The following CDH4 variants were observed in gnomAD, a reference collection of about 807,000 sequenced individuals.
The protein encoded by CDH4 is cadherin-4.
A neutral mutation model predicts 86.0 loss-of-function variants in CDH4; 33 were observed. The ratio of observed to expected loss-of-function variants is 0.38; its 90% CI spans 0.29 to 0.51. The LOEUF is 0.51. Among genes scored for constraint, CDH4 ranks in the 20% least tolerant of loss-of-function variants. CDH4 has a pLI of 0.86. For synonymous variants in CDH4, 555 were observed against 549.4 expected (o/e 1.01, Z -0.14); for missense variants, 1,114 against 1,307.4 (o/e 0.85, Z 2.28).
At chr20:61,366,417 G>A (rs1329074457) in intron 2 of CDH4, among the ~76,000 whole-genome samples, 4 of 152,230 alleles carry the variant, frequency 2.6e-5, no homozygotes, top group Non-Finnish European at 5.9e-5. Flanking sequence ...AGCGGTGCTA[G>A]AGGAATTAAA....
chr20:61,520,965 G>A lies in CDH4; in HGVS notation c.170-222598G>A, dbSNP rs985732693. Among the ~76,000 whole-genome samples, 3 of 152,182 alleles carry A rather than the reference G, an allele frequency of 2.0e-5. No homozygotes were observed. In the South Asian group the frequency reaches 6.2e-4, roughly 32 times the overall value. ...GGGTGCAGCTCCAGGGGCCTTGAAG[G>A]GCGAGTAGAATTGAGGTTGTGGTGG... On this transcript the variant is annotated intron_variant, in intron 2 of 15. Transcript: ENST00000614565.
chr20:61,493,825 T>A (rs2085641043), intron 2 of CDH4, among the ~76,000 whole-genome samples: 2 of 152,190 alleles, frequency 1.3e-5, no homozygotes. Flanking sequence ...AGACCCAGTG[T>A]GGATTCCGCT....
At chr20:61,886,749 G>T (rs1984559611) in intron 7 of CDH4, among the ~76,000 whole-genome samples, 1 of 152,232 alleles carries the variant, frequency 6.6e-6, no homozygotes. Context: ...CCTCAGGGAA[G>T]TCCCAGGCCT....
chr20:61,334,503 C>CG (rs879291394), intron 2 of CDH4, among the ~76,000 whole-genome samples: 1 of 152,110 alleles, frequency 6.6e-6, no homozygotes, highest in Admixed American at 6.5e-5. Flanking sequence ...CTCTGGAGGC[C>CG]GGGGGGGCTG....
rs114698550 is a variant in CDH4 at position 61,916,846 on chromosome 20, A to C, written c.1374+6239A>C. On this transcript the variant is annotated intron_variant, in intron 9 of 15. Transcript: ENST00000614565. ...CAGCAGTGTGCTCTTTCCTTCTCTAAACCGACTTAGCTTCTGTTTCTAGCT... is the reference window on the plus strand; with the variant it reads ...CAGCAGTGTGCTCTTTCCTTCTCTACACCGACTTAGCTTCTGTTTCTAGCT... 2.2e-3 allele frequency among the ~76,000 whole-genome samples: 332 copies of C among 152,270 alleles called. 1 individual carries two copies. The highest frequency in any genetic ancestry group is 6.6e-3 in the African/African-American group (273 of 41,548).
At chr20:61,627,599 A>T (rs1375542750) in intron 2 of CDH4, among the ~76,000 whole-genome samples, 1 of 152,108 alleles carries the variant, frequency 6.6e-6, no homozygotes, top group Non-Finnish European at 1.5e-5. Flanking sequence ...TTTTGTTTTT[A>T]TAAATGGGGA....
chr20:61,856,155 T>A (rs1050900841), intron 6 of CDH4, among the ~76,000 whole-genome samples: 1 of 152,154 alleles, frequency 6.6e-6, no homozygotes, highest in East Asian at 1.9e-4. Flanking sequence ...AGTGCCTTTG[T>A]GGGATAAGGA....
intron 2 of CDH4, 74 bp from the exon 3 acceptor site, chr20:61,743,489 T>C: frequency 8.7e-7 from 1 of 1,145,262 alleles, no homozygotes; most frequent in Non-Finnish European, 1.3e-6. Context: ...TAGGGCGTCC[T>C]GCGTGGTTGC....
chr20:61,544,093 C>T lies in CDH4; in HGVS notation c.170-199470C>T, dbSNP rs183376782. On this transcript the variant is annotated intron_variant, in intron 2 of 15. Coordinates refer to ENST00000614565, the MANE Select transcript of CDH4 (RefSeq NM_001794.5). This position sits in a 1 kb window ranked among gnomAD's most constrained non-coding sequence, Gnocchi z 6.5. ...TAAGGTCCTTGGAGGCTGCCCCACGCCCCCTGGCCCCACACCTGCCTCTTG... is the reference window on the plus strand; with the variant it reads ...TAAGGTCCTTGGAGGCTGCCCCACGTCCCCTGGCCCCACACCTGCCTCTTG... Among the ~76,000 whole-genome samples the T allele has an allele frequency of 1.3e-5, 2 of 152,302 alleles. No individual in the cohort carries two copies. Among genetic ancestry groups the T allele is most frequent in the African/African-American group, 2.4e-5 (1 of 41,574 alleles).
chr20:61,544,974 G>C lies in CDH4; in HGVS notation c.170-198589G>C, dbSNP rs1187192584. Among the ~76,000 whole-genome samples the C allele has an allele frequency of 2.6e-5, 4 of 152,182 alleles. No individual in the cohort carries two copies. Among genetic ancestry groups the C allele is most frequent in the Non-Finnish European group, 4.4e-5 (3 of 68,034 alleles). ...TAGACAAGTAGGGTGACTAGCAAATGACCCTTGAGCAGCCCTACTGGGGCC... is the reference window on the plus strand; with the variant it reads ...TAGACAAGTAGGGTGACTAGCAAATCACCCTTGAGCAGCCCTACTGGGGCC... On this transcript the variant is annotated intron_variant, in intron 2 of 15. Coordinates refer to ENST00000614565, the MANE Select transcript of CDH4 (RefSeq NM_001794.5). This position sits in a 1 kb window ranked among gnomAD's most constrained non-coding sequence, Gnocchi z 6.5.
chr20:61,782,684 T>A lies in CDH4; in HGVS notation c.576+9502T>A, dbSNP rs150047758. On this transcript the variant is annotated intron_variant, in intron 4 of 15. Transcript: ENST00000614565. ...ACGGGGTAAATGGAGCAAGGCTGTT[T>A]TGAGGTTCTGACGTTGCTGGTTAAG... Among the ~76,000 whole-genome samples, 733 of 152,328 alleles carry A rather than the reference T, an allele frequency of 4.8e-3. 6 individuals are homozygous for A. The highest frequency in any genetic ancestry group is 0.017 in the African/African-American group (699 of 41,566).
rs553219142 is a variant in CDH4, at chr20:61,669,276, G to A, written c.170-74287G>A. 2.6e-5 allele frequency among the ~76,000 whole-genome samples: 4 copies of A among 152,334 alleles called. No individual in the cohort carries two copies. In the East Asian group the frequency reaches 5.8e-4, roughly 22 times the overall value. ...CAGTCCCGTGGAGGATGCAGCACCG[G>A]CACCCCACACAGCGAGCACCACAAG... On this transcript the variant is annotated intron_variant, in intron 2 of 15. Transcript: ENST00000614565.
chr20:61,617,373 G>A (rs556721832), intron 2 of CDH4, among the ~76,000 whole-genome samples: 109 of 152,214 alleles, frequency 7.2e-4, no homozygotes, highest in Non-Finnish European at 9.6e-4. Flanking sequence ...AGACTCCCGA[G>A]GTCCCTGCGT....
In CDH4 at chr20:61,614,590, G is replaced by A. The variant is rs146401898; in HGVS notation, c.170-128973G>A. ...CCTTATCTGTGGAGTCTGCGCTGAC[G>A]TGGGCAATTAGTGTCAGAATTGAAT... On this transcript the variant is annotated intron_variant, in intron 2 of 15. Coordinates refer to ENST00000614565, the MANE Select transcript of CDH4 (RefSeq NM_001794.5). Among the ~76,000 whole-genome samples, 8 of 152,256 alleles carry A rather than the reference G, an allele frequency of 5.3e-5. No homozygotes were observed. The East Asian group carries it at 7.7e-4, about 15-fold the overall frequency.
Position 61,605,497 on chromosome 20 carries a change from CCA to C in CDH4, c.170-138065_170-138064del, listed in dbSNP as rs1450510245. Among the ~76,000 whole-genome samples, 48 of 151,812 alleles carry C rather than the reference CCA, an allele frequency of 3.2e-4. 1 individual carries two copies. Among genetic ancestry groups the C allele is most frequent in the African/African-American group, 1.1e-3 (46 of 41,384 alleles). ...TTTGTCTCTCCCTGTCTCTCTCCCC[CCA>C]TGTCTCTCCCTTTCTGTCTCTCCCT... On this transcript the variant is annotated intron_variant, in intron 2 of 15. Transcript: ENST00000614565.
chr20:61,556,545 T>C (rs967235096), intron 2 of CDH4, among the ~76,000 whole-genome samples: 3 of 152,170 alleles, frequency 2.0e-5, no homozygotes, highest in Admixed American at 6.5e-5. Flanking sequence ...TGTGCCACAA[T>C]TGAGAACAAA....
In CDH4 at chr20:61,501,967, C is replaced by T. The variant is rs573000390; in HGVS notation, c.170-241596C>T. 3.9e-5 allele frequency among the ~76,000 whole-genome samples: 6 copies of T among 152,194 alleles called. No individual in the cohort carries two copies. The East Asian group carries it at 7.7e-4, about 20-fold the overall frequency. On this transcript the variant is annotated intron_variant, in intron 2 of 15. Transcript: ENST00000614565. This position sits in a 1 kb window ranked among gnomAD's most constrained non-coding sequence, Gnocchi z 4.2. ...TAAAGTAAGATGAACCGAGTGGGCA[C>T]GTTAGCCCAGGCCGTTACCCTTTAG... is the stretch of plus-strand genomic sequence containing the variant.
chr20:61,905,537 G>A (rs1600758678), intron 8 of CDH4, among the ~76,000 whole-genome samples: 1 of 152,170 alleles, frequency 6.6e-6, no homozygotes, highest in Non-Finnish European at 1.5e-5. Flanking sequence ...CTTCAGGCAC[G>A]GCCGCTCCAC....
chr20:61,528,128 C>G (rs1436430631), intron 2 of CDH4, among the ~76,000 whole-genome samples: 1 of 151,870 alleles, frequency 6.6e-6, no homozygotes, highest in Non-Finnish European at 1.5e-5. Context: ...GTAATCCCAG[C>G]ACTTTGGGAG....
Sources: gnomAD v4.1 joint callset for allele counts (sites outside exome capture counted in the v4.1 genomes callset) on GRCh38, gnomAD v4.1.1 for gene constraint, Gnocchi (gnomAD v3.1) non-coding constraint, MANE v1.5 for transcripts, NCBI Gene and HGNC (gene_info 2026-07-23, HGNC 2026-07-21) for gene names.